Variants in GPC5 observed in about 807,000 individuals in gnomAD.
GPC5 encodes the protein glypican 5, also known as glypican-5.
GPC5 carries 47 observed loss-of-function variants against 53.9 expected under a neutral mutation model. That is an observed-to-expected ratio of 0.87 (90% CI 0.69 to 1.11). The LOEUF (loss-of-function observed/expected upper bound fraction) is 1.11. GPC5 is among the 50% of genes most tolerant of loss of function. The pLI is 0.00. For missense variants in GPC5, 748 were observed against 713.1 expected, an observed-to-expected ratio of 1.05 and a Z score of -0.56; for synonymous variants, 286 against 263.3, an observed-to-expected ratio of 1.09 and a Z score of -0.84.
intron 6 of GPC5, among the ~76,000 whole-genome samples, chr13:92,006,371 T>C (rs2040606804): frequency 6.6e-6 from 1 of 152,212 alleles, no homozygotes; most frequent in South Asian, 2.1e-4. Flanking sequence ...AAATGAACTC[T>C]AGTTGCCTTA....
intron 6 of GPC5, among the ~76,000 whole-genome samples, chr13:91,973,280 T>C (rs1015632065): frequency 1.3e-5 from 2 of 152,234 alleles, no homozygotes; most frequent in Non-Finnish European, 2.9e-5. Context: ...GCTTCTGCAT[T>C]TTTCACATAG....
At chr13:91,973,867 G>A (rs372305205) in intron 6 of GPC5, among the ~76,000 whole-genome samples, 9 of 152,250 alleles carry the variant, frequency 5.9e-5, no homozygotes, top group East Asian at 1.9e-4. Flanking sequence ...AGGAGTACCC[G>A]GCCGTGTGAG....
intron 5 of GPC5, among the ~76,000 whole-genome samples, 180 bp downstream of exon 5, chr13:91,756,600 T>C (rs1265034738): frequency 1.3e-5 from 2 of 151,846 alleles, no homozygotes; most frequent in South Asian, 4.2e-4. Context: ...CTTTTAGGTA[T>C]CTTAAAACTA....
chr13:91,689,694 A>C (rs2035714219), intron 2 of GPC5, among the ~76,000 whole-genome samples: 1 of 151,976 alleles, frequency 6.6e-6, no homozygotes, highest in African/African-American at 2.4e-5. Flanking sequence ...CTAGGCCTAC[A>C]CAGGGTCAGG....
chr13:92,238,999 A>AT (rs960797171), intron 7 of GPC5, among the ~76,000 whole-genome samples: 14 of 30,244 alleles, frequency 4.6e-4, no homozygotes, highest in East Asian at 1.1e-3. Context: ...TGACAAGATT[A>AT]TTTTTTTTTT....
chr13:91,700,877 A>C (rs1175264454), intron 3 of GPC5, among the ~76,000 whole-genome samples: 2 of 152,190 alleles, frequency 1.3e-5, no homozygotes, highest in African/African-American at 4.8e-5. Flanking sequence ...GGGAATAAGA[A>C]ATTTTTAATA....
intron 5 of GPC5, among the ~76,000 whole-genome samples, chr13:91,809,205 T>C (rs749382169): frequency 7.9e-5 from 12 of 152,138 alleles, no homozygotes; most frequent in Non-Finnish European, 1.8e-4. Context: ...CTCTGGATAA[T>C]TAGTGGACAG....
At chr13:91,516,875 T>G (rs1299234115) in intron 2 of GPC5, among the ~76,000 whole-genome samples, 2 of 152,208 alleles carry the variant, frequency 1.3e-5, no homozygotes, top group Non-Finnish European at 2.9e-5. Context: ...ATGTGGAAGC[T>G]GCCGAGGCTT....
At chr13:92,574,989 T>C (rs1883147505) in intron 7 of GPC5, among the ~76,000 whole-genome samples, 1 of 152,156 alleles carries the variant, frequency 6.6e-6, no homozygotes, top group Non-Finnish European at 1.5e-5. Flanking sequence ...CTGATTTCTG[T>C]TCCATTACAG....
In GPC5 at chr13:92,414,771, G is replaced by A. The variant is rs554910474; in HGVS notation, c.1561+269782G>A. Among the ~76,000 whole-genome samples the A allele has an allele frequency of 2.6e-5, 4 of 152,242 alleles. No individual in the cohort carries two copies. The South Asian group carries it at 8.3e-4, about 32-fold the overall frequency. On this transcript the variant is annotated intron_variant, in intron 7 of 7. Coordinates refer to ENST00000377067, the MANE Select transcript of GPC5 (RefSeq NM_004466.6). The stretch of plus-strand genomic sequence containing the variant: ...AGAGAAAGGCAGTGGTAGATTGATT[G>A]TCTAGTGAGGGCCCACTTTCTGGTT...
intron 2 of GPC5, among the ~76,000 whole-genome samples, chr13:91,478,440 G>A (rs1235629074): frequency 6.6e-6 from 1 of 151,332 alleles, no homozygotes. Flanking sequence ...TGTAATTTTT[G>A]TTTATTAGAG....
chr13:92,715,268 A>G (rs1054052101), intron 7 of GPC5, among the ~76,000 whole-genome samples: 1 of 152,180 alleles, frequency 6.6e-6, no homozygotes, highest in Non-Finnish European at 1.5e-5. Flanking sequence ...TTTCTTGTTC[A>G]GATGAGACCC....
intron 7 of GPC5, among the ~76,000 whole-genome samples, chr13:92,217,277 T>G (rs536736222): frequency 6.6e-6 from 1 of 152,340 alleles, no homozygotes; most frequent in South Asian, 2.1e-4. Flanking sequence ...TAACAAAATT[T>G]CAGACTCCTA....
At chr13:92,285,012 T>C (rs953746756) in intron 7 of GPC5, among the ~76,000 whole-genome samples, 3 of 152,132 alleles carry the variant, frequency 2.0e-5, no homozygotes, top group African/African-American at 7.2e-5. Flanking sequence ...CAGCCCAAAA[T>C]CTCTTTACAC....
intron 7 of GPC5, among the ~76,000 whole-genome samples, chr13:92,839,943 C>A (rs886723770): frequency 6.6e-6 from 1 of 151,698 alleles, no homozygotes; most frequent in Non-Finnish European, 1.5e-5. Context: ...CTCCAGACTA[C>A]AAATCCCTCC....
At chr13:92,814,664 A>C (rs915115490) in intron 7 of GPC5, among the ~76,000 whole-genome samples, 3 of 151,558 alleles carry the variant, frequency 2.0e-5, no homozygotes, top group Non-Finnish European at 4.4e-5. Flanking sequence ...CTGTCTCAAA[A>C]AAAAAAATAA....
intron 6 of GPC5, among the ~76,000 whole-genome samples, chr13:91,950,419 A>G (rs1413682198): frequency 6.7e-6 from 1 of 148,986 alleles, no homozygotes; most frequent in Non-Finnish European, 1.5e-5. Context: ...CAAATGAGCT[A>G]CCTTCAATAA....
intron 7 of GPC5, among the ~76,000 whole-genome samples, chr13:92,767,016 G>C (rs1025812878): frequency 6.6e-6 from 1 of 152,184 alleles, no homozygotes; most frequent in Non-Finnish European, 1.5e-5. Flanking sequence ...CTCTGGGCTG[G>C]AGCATATCTA....
At chr13:91,958,971 C>T (rs2040099963) in intron 6 of GPC5, among the ~76,000 whole-genome samples, 1 of 150,670 alleles carries the variant, frequency 6.6e-6, no homozygotes, top group African/African-American at 2.4e-5. Flanking sequence ...CCTTGAGTAA[C>T]TGGAAAATCA....
Sources: gnomAD v4.1 joint callset for allele counts (sites outside exome capture counted in the v4.1 genomes callset) on GRCh38, gnomAD v4.1.1 for gene constraint, MANE v1.5 for transcripts, NCBI Gene and HGNC (gene_info 2026-07-23, HGNC 2026-07-21) for gene names.